The following PRRX1 variants were observed in gnomAD, a reference collection of about 807,000 sequenced individuals.
The protein encoded by PRRX1 is paired mesoderm homeobox protein 1.
In PRRX1, 8 loss-of-function variants were observed where a neutral mutation model predicts 24.0. The ratio of observed to expected loss-of-function variants is 0.33; its 90% CI spans 0.20 to 0.60. The LOEUF is 0.60. PRRX1 is among the 20% of genes least tolerant of loss of function. PRRX1 has a pLI of 0.82. For synonymous variants in PRRX1, 160 were observed against 131.7 expected (o/e 1.22, Z -1.47); for missense variants, 281 against 322.4 (o/e 0.87, Z 0.98).
At chr1:170,683,025 A>G (rs1239411939) in intron 1 of PRRX1, among the ~76,000 whole-genome samples, 2 of 152,212 alleles carry the variant, frequency 1.3e-5, no homozygotes, top group Non-Finnish European at 2.9e-5. Context: ...TTGAGAGATG[A>G]CAAAGTCAGA....
At position 170,738,345 on chromosome 1, in the gene PRRX1, A is replaced by T. The variant is rs1211798568; in HGVS notation, c.*2159A>T. 4 of 225,174 alleles carry T rather than the reference A, an allele frequency of 1.8e-5. No individual in the cohort carries two copies. In the South Asian group the frequency reaches 7.3e-4, roughly 41 times the overall value. The allele number at this position is 225,174 out of a possible 1,614,324, so 13.9% of individuals were successfully genotyped here. A position where few individuals can be genotyped will look rare whatever the true frequency, so the allele number is the denominator to read the frequency against. ...ATCTGAAATTGTATTTCAAATGTTG[A>T]TTCTGTAGTTCTTTAAATAATAATG... On this transcript the variant is annotated 3_prime_UTR_variant, in exon 4 of 4. Transcript: ENST00000239461.
At chr1:170,663,902 T>G, upstream of PRRX1, 1 of 316,534 alleles carries the variant, frequency 3.2e-6, no homozygotes, top group Non-Finnish European at 5.8e-6. Context: ...GAACATAGGG[T>G]GACTTTTTAA....
intron 1 of PRRX1, 115 bp from the exon 2 acceptor site, chr1:170,719,611 T>C: frequency 8.3e-7 from 1 of 1,210,326 alleles, no homozygotes; most frequent in Non-Finnish European, 1.2e-6. Flanking sequence ...TATAGGACTT[T>C]GATAAAGATG....
chr1:170,669,553 C>T (rs1182605323), intron 1 of PRRX1: 1 of 151,632 alleles, frequency 6.6e-6, no homozygotes. Context: ...AGATTTTCAA[C>T]CACGACAATC....
At chr1:170,700,124 A>AT (rs371263166) in intron 1 of PRRX1, among the ~76,000 whole-genome samples, 46 of 152,106 alleles carry the variant, frequency 3.0e-4, no homozygotes, top group East Asian at 7.7e-4. Context: ...TCCTATGGCC[A>AT]TTTTTTTTAA....
At chr1:170,730,103 G>A (rs565080399) in intron 3 of PRRX1, 2 of 715,314 alleles carry the variant, frequency 2.8e-6, no homozygotes, top group Non-Finnish European at 5.2e-6. Flanking sequence ...CATTTCCAGA[G>A]GGAGGGCTGG....
At chr1:170,689,151 G>A (rs1341929416) in intron 1 of PRRX1, among the ~76,000 whole-genome samples, 8 of 151,944 alleles carry the variant, frequency 5.3e-5, no homozygotes, top group African/African-American at 1.7e-4. Context: ...AGTAATAGAG[G>A]ACCTTTATTT....
At chr1:170,713,765 A>G (rs1052288378) in intron 1 of PRRX1, among the ~76,000 whole-genome samples, 1 of 152,170 alleles carries the variant, frequency 6.6e-6, no homozygotes, top group African/African-American at 2.4e-5. Flanking sequence ...TTTTAATTCT[A>G]TTTGCTAAGG....
upstream of PRRX1, chr1:170,663,954 A>G (rs2101878444): frequency 2.0e-6 from 1 of 491,950 alleles, no homozygotes; most frequent in Non-Finnish European, 3.6e-6. Context: ...ACCGCGCCGG[A>G]CTTGGCCTCA....
chr1:170,697,706 A>G (rs1452374788), intron 1 of PRRX1, among the ~76,000 whole-genome samples: 2 of 147,858 alleles, frequency 1.4e-5, no homozygotes, highest in Admixed American at 6.8e-5. Context: ...AAATATCTAT[A>G]CACATATATA....
intron 1 of PRRX1, among the ~76,000 whole-genome samples, chr1:170,681,296 G>T (rs1490474100): frequency 1.3e-5 from 2 of 152,160 alleles, no homozygotes; most frequent in African/African-American, 4.8e-5. Flanking sequence ...ACCAGAACTT[G>T]TCTTGACCCC....
chr1:170,678,754 G>T (rs1403661721), intron 1 of PRRX1, among the ~76,000 whole-genome samples: 1 of 152,102 alleles, frequency 6.6e-6, no homozygotes, highest in African/African-American at 2.4e-5. Context: ...TCCCATATGT[G>T]CAGTTCATGT....
At chr1:170,687,069 T>C (rs1267465427) in intron 1 of PRRX1, among the ~76,000 whole-genome samples, 1 of 138,674 alleles carries the variant, frequency 7.2e-6, no homozygotes, top group African/African-American at 2.7e-5. Context: ...GCAAAATTTC[T>C]ATGATAAGAA....
At chr1:170,729,049 T>A (rs1443715299) in intron 3 of PRRX1, 1 of 152,254 alleles carries the variant, frequency 6.6e-6, no homozygotes, top group African/African-American at 2.4e-5. Flanking sequence ...TCTGTCTTGC[T>A]GTGCTTCCAA....
intron 1 of PRRX1, among the ~76,000 whole-genome samples, chr1:170,706,447 G>A (rs1654569930): frequency 6.6e-6 from 1 of 152,092 alleles, no homozygotes; most frequent in African/African-American, 2.4e-5. Context: ...TTTTTCAACA[G>A]CAACAGTAAT....
Position 170,682,279 on chromosome 1 carries a change from A to G in PRRX1, c.241+17820A>G, listed in dbSNP as rs193154458. On this transcript the variant is annotated intron_variant, in intron 1 of 3. Transcript: ENST00000239461. ...CCCTGACCTCTAAGGTCTGAATTCA[A>G]TGTTCCTTCTGTGTGCTCCCATGTT... is the stretch of plus-strand genomic sequence containing the variant. Among the ~76,000 whole-genome samples the G allele has an allele frequency of 7.9e-5, 12 of 151,598 alleles. No homozygotes were observed. The East Asian group carries it at 1.9e-3, about 24-fold the overall frequency.
intron 1 of PRRX1, among the ~76,000 whole-genome samples, chr1:170,695,712 C>T (rs1351248349): frequency 6.6e-6 from 1 of 152,154 alleles, no homozygotes; most frequent in Non-Finnish European, 1.5e-5. Context: ...TGTAAAGAGT[C>T]CCTGAGTGCC....
Position 170,719,870 on chromosome 1 carries a change from G to T in PRRX1, c.386G>T (p.Arg129Leu), listed in dbSNP as rs780981143. The change falls in exon 2 of 4, where the codon CGC becomes CTC. Residue 129 changes from arginine to leucine, a missense_variant. By Grantham distance (102) the Arg-to-Leu change is moderately radical (BLOSUM62 -2). Transcript: ENST00000239461. ...GCTTTTGTGCGAGAAGACCTTGCCC[G>T]CCGGGTGAACCTCACCGAGGCGAGA... ...PDAFVREDLA[R>L]RVNLTEARVQ... The T allele has an allele frequency of 1.9e-6, 3 of 1,614,122 alleles. No homozygotes were observed. In the Admixed American group the frequency reaches 5.0e-5, roughly 27 times the overall value.
At chr1:170,707,093 C>T (rs1431708743) in intron 1 of PRRX1, among the ~76,000 whole-genome samples, 1 of 151,720 alleles carries the variant, frequency 6.6e-6, no homozygotes, top group African/African-American at 2.4e-5. Flanking sequence ...CACCGTACCC[C>T]AGCCTGGGTG....
Sources: gnomAD v4.1 joint callset for allele counts (sites outside exome capture counted in the v4.1 genomes callset) on GRCh38, gnomAD v4.1.1 for gene constraint, MANE v1.5 for transcripts, NCBI Gene and HGNC (gene_info 2026-07-23, HGNC 2026-07-21) for gene names.